The following RBBP8 variants were observed in gnomAD, a reference collection of about 807,000 sequenced individuals.
RBBP8 encodes DNA endonuclease RBBP8.
RBBP8 carries 88 observed loss-of-function variants against 108.3 expected under a neutral mutation model. The ratio of observed to expected loss-of-function variants is 0.81; its 90% CI spans 0.68 to 0.97. RBBP8 has a LOEUF of 0.97. RBBP8 is among the 50% of genes least tolerant of loss of function. The pLI is 0.00. For missense variants in RBBP8, 1,023 were observed against 1,049.0 expected (o/e 0.98, Z 0.34); for synonymous variants, 332 against 348.2 (o/e 0.95, Z 0.52).
chr18:22,930,732 G>A (rs1266926363), upstream of RBBP8, among the ~76,000 whole-genome samples: 2 of 152,154 alleles, frequency 1.3e-5, no homozygotes, highest in African/African-American at 4.8e-5. Context: ...CACTGGGCTA[G>A]TTCCTGGAGA....
chr18:23,001,614 G>C lies in RBBP8; in HGVS notation c.2172G>C (p.Leu724Phe), dbSNP rs753764055. 2 of 1,614,072 alleles carry C rather than the reference G, an allele frequency of 1.2e-6. No homozygotes were observed. Among genetic ancestry groups the C allele is most frequent in the East Asian group, 2.2e-5 (1 of 44,842 alleles). Residue 724 changes from leucine to phenylalanine, a missense_variant, in exon 15 of 19, where the codon TTG (leucine) becomes TTC (phenylalanine). Coordinates refer to ENST00000327155, the MANE Select transcript of RBBP8 (RefSeq NM_002894.3). ...AAGAAAGAAAAATGAATGATAGCTT[G>C]GAAGATATGTTTGATCGGACAACAC... ...SNEERKMNDS[L>F]EDMFDRTTHE...
At chr18:22,937,121 G>T (rs1323321549) in intron 2 of RBBP8, 161 bp downstream of exon 2, 2 of 1,412,448 alleles carry the variant, frequency 1.4e-6, no homozygotes, top group Admixed American at 4.5e-5. Context: ...TGTTGCTGGG[G>T]TTTGGTGTGC....
upstream of RBBP8, among the ~76,000 whole-genome samples, chr18:22,932,348 T>C (rs1910089090): frequency 6.6e-6 from 1 of 152,220 alleles, no homozygotes; most frequent in East Asian, 1.9e-4. Context: ...ATAGTCAAAA[T>C]TTCATCCATT....
chr18:23,020,304 C>G (rs961875502), intron 17 of RBBP8, among the ~76,000 whole-genome samples: 2 of 151,774 alleles, frequency 1.3e-5, no homozygotes, highest in Admixed American at 6.6e-5. Flanking sequence ...GCCTGTTATC[C>G]CAGCTACTCT....
chr18:22,936,180 C>T (rs558012310), intron 1 of RBBP8, among the ~76,000 whole-genome samples: 1 of 152,102 alleles, frequency 6.6e-6, no homozygotes, highest in Admixed American at 6.5e-5. Context: ...CCGCTCACTG[C>T]AAATTCCGCC....
At chr18:23,016,682 T>C in intron 16 of RBBP8, 146 bp from the exon 17 acceptor site, 1 of 684,958 alleles carries the variant, frequency 1.5e-6, no homozygotes, top group South Asian at 1.7e-5. Flanking sequence ...TTGGTGTATA[T>C]ATAGTAAGCA....
chr18:23,023,868 C>A (rs1408173202), intron 18 of RBBP8, among the ~76,000 whole-genome samples: 1 of 47,754 alleles, frequency 2.1e-5, no homozygotes, highest in Non-Finnish European at 3.8e-5. Context: ...TATGAAGGGG[C>A]CTTTTTTTTT....
intron 4 of RBBP8, among the ~76,000 whole-genome samples, chr18:22,959,633 T>C (rs1432153245): frequency 1.3e-5 from 2 of 152,254 alleles, no homozygotes; most frequent in East Asian, 3.9e-4. Flanking sequence ...TCTTTTATTC[T>C]CCAACCCTAC....
chr18:22,950,377 A>G (rs1911931444), intron 4 of RBBP8, among the ~76,000 whole-genome samples: 1 of 152,138 alleles, frequency 6.6e-6, no homozygotes, highest in East Asian at 1.9e-4. Context: ...CTGAGGCCAG[A>G]CATTCAAGAC....
chr18:22,947,883 G>T (rs1473627510), intron 3 of RBBP8, among the ~76,000 whole-genome samples: 1 of 151,880 alleles, frequency 6.6e-6, no homozygotes, highest in Admixed American at 6.6e-5. Context: ...TTCAACTTAG[G>T]TTATTCATCT....
chr18:22,942,818 A>C (rs1312561632), intron 2 of RBBP8, among the ~76,000 whole-genome samples: 3 of 152,116 alleles, frequency 2.0e-5, no homozygotes, highest in African/African-American at 7.3e-5. Context: ...ATAATAAAAT[A>C]GAATTTAAAA....
At chr18:22,951,519 A>G (rs1287681804) in intron 4 of RBBP8, among the ~76,000 whole-genome samples, 2 of 152,224 alleles carry the variant, frequency 1.3e-5, no homozygotes, top group Non-Finnish European at 1.5e-5. Context: ...CATGCTTCAG[A>G]CACCAGATGT....
chr18:22,967,365 C>CA (rs200892497), intron 4 of RBBP8, among the ~76,000 whole-genome samples: 62,778 of 107,898 alleles, frequency 0.58, 17,474 homozygotes, highest in Middle Eastern at 0.72. Context: ...GACTCCGTCT[C>CA]AAAAAAAAAA....
At chr18:22,980,965 C>CTTTTTTTT (rs1167377654) in intron 6 of RBBP8, among the ~76,000 whole-genome samples, 1,808 of 69,402 alleles carry the variant, frequency 0.026, 420 homozygotes, top group Middle Eastern at 0.069. Context: ...CCACTTATGT[C>CTTTTTTTT]TTTTTTTTTT....
intron 3 of RBBP8, among the ~76,000 whole-genome samples, chr18:22,949,394 C>CA (rs1911836925): frequency 6.6e-6 from 1 of 152,022 alleles, no homozygotes; most frequent in Non-Finnish European, 1.5e-5. Flanking sequence ...GCTATTTTGA[C>CA]AAAGTTGAGT....
At chr18:22,983,362 A>G (rs1328482078) in intron 7 of RBBP8, among the ~76,000 whole-genome samples, 1 of 152,226 alleles carries the variant, frequency 6.6e-6, no homozygotes, top group Non-Finnish European at 1.5e-5. Flanking sequence ...ATGTTGGAAC[A>G]TTGACAGTTT....
intron 6 of RBBP8, 111 bp downstream of exon 6, chr18:22,975,330 T>A (rs1914423665): frequency 1.4e-6 from 2 of 1,444,588 alleles, no homozygotes; most frequent in Non-Finnish European, 1.9e-6. Flanking sequence ...TGTTCTGTAG[T>A]TAAAAAATAC....
chr18:22,978,010 G>T (rs1359993406), intron 6 of RBBP8: 1 of 152,098 alleles, frequency 6.6e-6, no homozygotes, highest in Non-Finnish European at 1.5e-5. Flanking sequence ...TCTGAATTAA[G>T]AAATCAATAT....
chr18:22,969,007 G>A, intron 5 of RBBP8, 89 bp downstream of exon 5: 1 of 963,454 alleles, frequency 1.0e-6, no homozygotes, highest in Non-Finnish European at 1.6e-6. Flanking sequence ...TAAATGGATG[G>A]TTTACATATA....
Sources: allele counts gnomAD v4.1 joint callset (sites outside exome capture counted in the v4.1 genomes callset), GRCh38; gene constraint gnomAD v4.1.1; transcripts MANE v1.5; gene names NCBI Gene and HGNC (gene_info 2026-07-23, HGNC 2026-07-21).